Variants in TRAPPC9 observed in about 807,000 individuals in gnomAD.
The protein encoded by TRAPPC9 is trafficking protein particle complex subunit 9.
In TRAPPC9, 83 loss-of-function variants were observed where a neutral mutation model predicts 124.0. The ratio of observed to expected loss-of-function variants is 0.67; its 90% CI spans 0.56 to 0.80. TRAPPC9 has a LOEUF of 0.80. Among genes scored for constraint, TRAPPC9 ranks in the 30% least tolerant of loss-of-function variants. The probability of loss-of-function intolerance (pLI) is 0.00; values close to 1 mark genes in which losing one functional copy is unlikely to be tolerated. For synonymous variants in TRAPPC9, 638 were observed against 617.5 expected, an observed-to-expected ratio of 1.03 and a Z score of -0.49; for missense variants, 1,302 against 1,508.3, an observed-to-expected ratio of 0.86 and a Z score of 2.27.
chr8:139,825,358 T>A lies in TRAPPC9; in HGVS notation c.3055+60521A>T, dbSNP rs1345392196. Among the ~76,000 whole-genome samples the A allele has an allele frequency of 6.6e-6, 1 of 152,132 alleles. No homozygotes were observed. Among genetic ancestry groups the A allele is most frequent in the East Asian group, 1.9e-4 (1 of 5,174 alleles). On this transcript the variant is annotated intron_variant, in intron 21 of 22. Transcript: ENST00000438773. The surrounding 1 kb of genome is among the most constrained non-coding windows in gnomAD (Gnocchi z 4.6). ...GCACAGGTCCTGGTGCAGGCGGCAC[T>A]GGCATCCTGTGAGGATGAAGGCCTG...
intron 17 of TRAPPC9, among the ~76,000 whole-genome samples, chr8:140,212,985 C>T (rs926445632): frequency 6.6e-6 from 1 of 151,594 alleles, no homozygotes; most frequent in African/African-American, 2.4e-5. Context: ...AGGAGAATCG[C>T]TTGAACCCAG....
chr8:140,043,779 C>T (rs540176655), intron 17 of TRAPPC9, among the ~76,000 whole-genome samples: 10 of 152,312 alleles, frequency 6.6e-5, no homozygotes, highest in Middle Eastern at 3.4e-3. Flanking sequence ...ACTTTCAGAA[C>T]CACTGCAATG....
chr8:139,854,377 C>T (rs975802433), intron 21 of TRAPPC9, among the ~76,000 whole-genome samples: 5 of 152,234 alleles, frequency 3.3e-5, no homozygotes, highest in South Asian at 2.1e-4. Flanking sequence ...CAGGAGCCCA[C>T]GCTGGGGCAG....
At chr8:140,152,390 C>G (rs1363439777) in intron 17 of TRAPPC9, among the ~76,000 whole-genome samples, 2 of 125,564 alleles carry the variant, frequency 1.6e-5, no homozygotes, top group Non-Finnish European at 3.2e-5. Context: ...AGATGGAGTC[C>G]TGCTCTGTCA....
chr8:139,812,660 T>C (rs1824523851), intron 21 of TRAPPC9, among the ~76,000 whole-genome samples: 1 of 152,136 alleles, frequency 6.6e-6, no homozygotes, highest in Non-Finnish European at 1.5e-5. Flanking sequence ...AAGAAAAATG[T>C]TAATGAGTTA....
intron 12 of TRAPPC9, among the ~76,000 whole-genome samples, chr8:140,288,683 T>C (rs533402510): frequency 5.3e-5 from 8 of 152,248 alleles, no homozygotes; most frequent in Admixed American, 2.0e-4. Context: ...TTCGAGTACA[T>C]TTAGCAAAGT....
chr8:140,047,253 C>A (rs772542430), intron 17 of TRAPPC9, among the ~76,000 whole-genome samples: 21 of 152,264 alleles, frequency 1.4e-4, no homozygotes, highest in South Asian at 4.1e-4. Context: ...AAAACACATG[C>A]TCCTCGGCGG....
intron 10 of TRAPPC9, among the ~76,000 whole-genome samples, chr8:140,310,408 G>A (rs568965614): frequency 5.3e-5 from 8 of 152,222 alleles, no homozygotes; most frequent in Non-Finnish European, 5.9e-5. Flanking sequence ...ACTTCCACTC[G>A]ACAGCAAAAT....
intron 9 of TRAPPC9, among the ~76,000 whole-genome samples, chr8:140,346,702 C>T (rs925323554): frequency 2.0e-5 from 3 of 152,186 alleles, no homozygotes; most frequent in African/African-American, 7.2e-5. Context: ...TCTAACTACA[C>T]CTGTAAGGAT....
intron 20 of TRAPPC9, among the ~76,000 whole-genome samples, chr8:139,892,113 C>T (rs1156879392): frequency 2.0e-5 from 3 of 152,222 alleles, no homozygotes; most frequent in Admixed American, 6.5e-5. Flanking sequence ...CAAGCACATG[C>T]GCCGCAGCAC....
chr8:139,790,531 G>A (rs1822587236), intron 21 of TRAPPC9, among the ~76,000 whole-genome samples: 2 of 152,208 alleles, frequency 1.3e-5, no homozygotes, highest in Admixed American at 1.3e-4. Flanking sequence ...AGGGGTTGGG[G>A]TTCTCACCAG....
intron 19 of TRAPPC9, among the ~76,000 whole-genome samples, chr8:139,925,441 C>T (rs529960698): frequency 6.6e-6 from 1 of 152,264 alleles, no homozygotes; most frequent in East Asian, 1.9e-4. Context: ...AAAACAGACC[C>T]AACCGAACAG....
At chr8:139,765,618 G>C (rs1249089002) in intron 21 of TRAPPC9, among the ~76,000 whole-genome samples, 1 of 152,242 alleles carries the variant, frequency 6.6e-6, no homozygotes, top group Non-Finnish European at 1.5e-5. Context: ...GGCAGGTGAA[G>C]TGGTGGCAGG....
chr8:140,401,844 T>G (rs894325034), intron 6 of TRAPPC9, among the ~76,000 whole-genome samples: 2 of 151,946 alleles, frequency 1.3e-5, no homozygotes, highest in Admixed American at 1.3e-4. Flanking sequence ...CAGGCTGGTC[T>G]GGAACTCCTG....
At chr8:140,456,678 G>T in intron 1 of TRAPPC9, 1 of 504,204 alleles carries the variant, frequency 2.0e-6, no homozygotes, top group Non-Finnish European at 2.6e-6. Context: ...TCCACCCGGT[G>T]CTTTGTTTCA....
chr8:140,204,948 T>C (rs1410602470), intron 17 of TRAPPC9, among the ~76,000 whole-genome samples: 3 of 152,200 alleles, frequency 2.0e-5, no homozygotes, highest in Admixed American at 6.5e-5. Flanking sequence ...TTCATCAAAA[T>C]GCTGAGGATG....
intron 8 of TRAPPC9, among the ~76,000 whole-genome samples, chr8:140,365,656 C>A (rs7823647): frequency 0.011 from 1,604 of 152,318 alleles, 31 homozygotes; most frequent in African/African-American, 0.035. Context: ...GGCGACCCTG[C>A]CCAGCACAGC....
intron 16 of TRAPPC9, among the ~76,000 whole-genome samples, chr8:140,251,451 G>A (rs1232002148): frequency 1.3e-5 from 2 of 152,168 alleles, no homozygotes; most frequent in African/African-American, 4.8e-5. Flanking sequence ...ATTTTCTAAT[G>A]TATCCAACCC....
At position 139,829,109 on chromosome 8, in the gene TRAPPC9, G is replaced by A. The variant is rs116331985; in HGVS notation, c.3055+56770C>T. On this transcript the variant is annotated intron_variant, in intron 21 of 22. Transcript: ENST00000438773. ...TTTCCTTGTTCCTGTACAAATCTTC[G>A]TCTATATTTAGAGAGTTTCTTTTCT... Among the ~76,000 whole-genome samples the A allele has an allele frequency of 2.0e-5, 3 of 152,144 alleles. No homozygotes were observed. The South Asian group carries it at 6.2e-4, about 31-fold the overall frequency.
Sources: allele counts gnomAD v4.1 joint callset (sites outside exome capture counted in the v4.1 genomes callset), GRCh38; gene constraint gnomAD v4.1.1; non-coding constraint Gnocchi (gnomAD v3.1); transcripts MANE v1.5; gene names NCBI Gene and HGNC (gene_info 2026-07-23, HGNC 2026-07-21).